MGME1: variants seen among roughly 807,000 people sequenced by gnomAD.
MGME1 encodes the protein chromosome 20 open reading frame 72.
In MGME1, 22 loss-of-function variants were observed where a neutral mutation model predicts 33.0. The observed-to-expected ratio is 0.67, with a 90% CI of 0.48 to 0.95. The LOEUF (loss-of-function observed/expected upper bound fraction) is 0.95, where lower values mean the gene tolerates loss of function less well. Among genes scored for constraint, MGME1 ranks in the 40% least tolerant of loss-of-function variants. The pLI is 0.00. For synonymous variants in MGME1, 133 were observed against 144.0 expected (o/e 0.92, Z 0.55); for missense variants, 383 against 397.8 (o/e 0.96, Z 0.32).
At chr20:17,968,662 C>A, upstream of MGME1, 1 of 597,014 alleles carries the variant, frequency 1.7e-6, no homozygotes, top group Middle Eastern at 4.0e-4. Flanking sequence ...CGCTGCCGTC[C>A]ATCTTGGAGC....
chr20:17,973,651 A>AC (rs980394810), intron 2 of MGME1, among the ~76,000 whole-genome samples: 1 of 151,632 alleles, frequency 6.6e-6, no homozygotes, highest in African/African-American at 2.4e-5. Flanking sequence ...AAAAAAAAAA[A>AC]AACTTGACAA....
intron 2 of MGME1, among the ~76,000 whole-genome samples, chr20:17,973,080 C>CA (rs1282748840): frequency 2.0e-5 from 3 of 152,146 alleles, no homozygotes; most frequent in African/African-American, 7.2e-5. Context: ...CATAGTGGCT[C>CA]ATGCCTGTAA....
At chr20:17,981,648 C>CTGTGTGTGT (rs1491588702) in intron 3 of MGME1, among the ~76,000 whole-genome samples, 10 of 139,696 alleles carry the variant, frequency 7.2e-5, no homozygotes, top group African/African-American at 2.7e-4. Flanking sequence ...ATCTACTACT[C>CTGTGTGTGT]GTGTGTGTGT....
intron 3 of MGME1, among the ~76,000 whole-genome samples, chr20:17,976,209 C>T (rs568030999): frequency 8.5e-5 from 13 of 152,262 alleles, no homozygotes; most frequent in Admixed American, 4.6e-4. Flanking sequence ...CTGCAACCTC[C>T]GTCTCCCAGG....
intron 3 of MGME1, among the ~76,000 whole-genome samples, chr20:17,983,267 T>TTTTGTGTGTGTGTG (rs79417227): frequency 4.9e-5 from 7 of 142,578 alleles, no homozygotes; most frequent in African/African-American, 1.8e-4. Context: ...TAGTGTTCTA[T>TTTTGTGTGTGTGTG]TGTGTGTGTG....
chr20:17,984,959 C>A (rs2036117178), intron 3 of MGME1, among the ~76,000 whole-genome samples: 1 of 148,960 alleles, frequency 6.7e-6, no homozygotes, highest in East Asian at 2.0e-4. Context: ...ATTGCTTGAA[C>A]CCGGGAGGTG....
intron 3 of MGME1, among the ~76,000 whole-genome samples, chr20:17,987,078 G>T: frequency 6.6e-6 from 1 of 151,812 alleles, no homozygotes; most frequent in African/African-American, 2.4e-5. Context: ...TACTCAGGGG[G>T]CTGAGGCAGA....
intron 3 of MGME1, among the ~76,000 whole-genome samples, chr20:17,977,789 C>T (rs1347049982): frequency 2.6e-5 from 4 of 152,118 alleles, no homozygotes; most frequent in African/African-American, 9.7e-5. Context: ...CTATGAATGC[C>T]TGACTTTCTG....
intron 2 of MGME1, chr20:17,972,857 A>G (rs905288615): frequency 1.2e-6 from 1 of 806,102 alleles, no homozygotes; most frequent in Non-Finnish European, 1.5e-6. Context: ...CCTAGTGTGT[A>G]GATGAATGCT....
At chr20:17,980,333 A>T (rs908919387) in intron 3 of MGME1, among the ~76,000 whole-genome samples, 2 of 151,326 alleles carry the variant, frequency 1.3e-5, no homozygotes, top group African/African-American at 2.4e-5. Flanking sequence ...ACCCCACTGA[A>T]TTTTTAATGG....
intron 3 of MGME1, among the ~76,000 whole-genome samples, chr20:17,983,393 G>C (rs1013112934): frequency 4.2e-4 from 63 of 151,588 alleles, no homozygotes; most frequent in Admixed American, 3.7e-3. Context: ...AGTGAACCTG[G>C]GATTGCAGGT....
At chr20:17,988,858 G>GTT (rs2036220794) in intron 4 of MGME1, among the ~76,000 whole-genome samples, 1 of 151,960 alleles carries the variant, frequency 6.6e-6, no homozygotes. Flanking sequence ...GGGAGGCCGA[G>GTT]GCAGGCAGAT....
In MGME1 at chr20:17,990,415, G is replaced by GT. The variant is rs2036270723; in HGVS notation, c.*306_*307insT. ...TGTACTCCCTTGAGGGACATTGGGG[G>GT]GGGGGGGGCGTGGTCCCAGGCAGGA... On this transcript the variant is annotated 3_prime_UTR_variant, in exon 5 of 5. Coordinates refer to ENST00000377710, the MANE Select transcript of MGME1 (RefSeq NM_052865.4). 3 of 350,212 alleles carry GT rather than the reference G, an allele frequency of 8.6e-6. 1 individual carries two copies. The highest frequency in any genetic ancestry group is 1.6e-5 in the Non-Finnish European group (3 of 190,118). The allele number at this position is 350,212 out of a possible 1,614,324, so 21.7% of individuals were successfully genotyped here. A position where few individuals can be genotyped will look rare whatever the true frequency, so the allele number is the denominator to read the frequency against.
At chr20:17,969,465 T>C (rs941899208) in intron 1 of MGME1, among the ~76,000 whole-genome samples, 2 of 152,220 alleles carry the variant, frequency 1.3e-5, no homozygotes, top group African/African-American at 2.4e-5. Flanking sequence ...TTAGTCGTCG[T>C]CTGTCACCTA....
Position 17,974,061 on chromosome 20 carries a change from G to GTTTTTTTT in MGME1, c.512-1607_512-1600dup, listed in dbSNP as rs34206000. Among the ~76,000 whole-genome samples the GTTTTTTTT allele has an allele frequency of 2.1e-4, 18 of 85,496 alleles. 1 individual carries two copies. Among genetic ancestry groups the GTTTTTTTT allele is most frequent in the Non-Finnish European group, 3.5e-4 (15 of 42,318 alleles). 56.1% of individuals were successfully genotyped at this position (85,496 alleles called of 152,430 possible). A position where few individuals can be genotyped will look rare whatever the true frequency, so the allele number is the denominator to read the frequency against. On this transcript the variant is annotated intron_variant, in intron 2 of 4. Transcript: ENST00000377710. ...TTGTGTTTGTTGAGTCTCTTTGTGT[G>GTTTTTTTT]TTTTTTTTTTTTTTTTTTTTTTTGA...
chr20:17,975,846 C>T lies in MGME1; in HGVS notation c.674C>T (p.Ala225Val), dbSNP rs565520722. 13 of 1,614,148 alleles carry T rather than the reference C, an allele frequency of 8.1e-6. 1 individual carries two copies. The South Asian group carries it at 1.4e-4, about 18-fold the overall frequency. ...DVSGVRALES[A>V]VQHETLNYIG... ...AGTGGAGTGCGAGCTCTTGAAAGTG[C>T]TGTTCAACATGAAACCTTAAACTAT... The change falls in exon 3 of 5, where the codon GCT becomes GTT. Residue 225 changes from alanine (A) to valine (V), a missense_variant. Physicochemically the swap from Ala to Val is moderately conservative, Grantham distance 64 (BLOSUM62 0). Transcript: ENST00000377710.
upstream of MGME1, chr20:17,968,751 G>T: frequency 2.7e-6 from 1 of 376,536 alleles, no homozygotes; most frequent in South Asian, 3.5e-5. Context: ...CGACACGGAC[G>T]GGAAGCAACG....
intron 4 of MGME1, among the ~76,000 whole-genome samples, chr20:17,988,649 T>A (rs1359745953): frequency 9.9e-6 from 1 of 101,182 alleles, no homozygotes; most frequent in Non-Finnish European, 1.9e-5. Context: ...CTCGAATCTG[T>A]CTCAAAAAAA....
intron 4 of MGME1, among the ~76,000 whole-genome samples, chr20:17,988,676 A>G (rs1479186370): frequency 6.8e-6 from 1 of 147,394 alleles, no homozygotes; most frequent in Non-Finnish European, 1.5e-5. Flanking sequence ...AAAACTTCTC[A>G]GTGGGGGGGT....
Sources: allele counts gnomAD v4.1 joint callset (sites outside exome capture counted in the v4.1 genomes callset), GRCh38; gene constraint gnomAD v4.1.1; transcripts MANE v1.5; gene names NCBI Gene and HGNC (gene_info 2026-07-23, HGNC 2026-07-21).